Variants in TMPRSS11A observed in about 807,000 individuals in gnomAD.
The protein encoded by TMPRSS11A is transmembrane protease serine 11A.
Under a neutral mutation model 58.9 loss-of-function variants are expected in TMPRSS11A, and 53 were observed. That is an observed-to-expected ratio of 0.90 (90% CI 0.72 to 1.13). The LOEUF is 1.13. Ranked by LOEUF, TMPRSS11A falls within the 50% of genes most tolerant of loss-of-function variation. The pLI, the probability that TMPRSS11A is intolerant of heterozygous loss-of-function variation, is 0.00. For synonymous variants in TMPRSS11A, 167 were observed against 169.8 expected (o/e 0.98, Z 0.13); for missense variants, 493 against 499.3 (o/e 0.99, Z 0.12).
intron 9 of TMPRSS11A, among the ~76,000 whole-genome samples, chr4:67,913,415 A>G (rs1336371565): frequency 6.6e-6 from 1 of 152,092 alleles, no homozygotes; most frequent in African/African-American, 2.4e-5. Context: ...TTGTACCTGA[A>G]CCGCTGCCCT....
At position 67,931,990 on chromosome 4, in the gene TMPRSS11A, T is replaced by G. The variant is rs767393101; in HGVS notation, c.320+3A>C. ...GATTCCACCTTTGCCCAAACATACATACGTCAGTCTGACTACTTGGTTCTT... is the reference window on the plus strand; with the variant it reads ...GATTCCACCTTTGCCCAAACATACAGACGTCAGTCTGACTACTTGGTTCTT... On this transcript the variant is annotated splice_donor_region_variant and intron_variant, in intron 4 of 9. Transcript: ENST00000508048. 2 of 1,583,554 alleles carry G rather than the reference T, an allele frequency of 1.3e-6. No homozygotes were observed. The highest frequency in any genetic ancestry group is 1.7e-6 in the Non-Finnish European group (2 of 1,152,878).
intron 2 of TMPRSS11A, among the ~76,000 whole-genome samples, 189 bp downstream of exon 2, chr4:67,946,260 GA>G (rs1321884881): frequency 8.5e-5 from 13 of 152,182 alleles, no homozygotes; most frequent in Admixed American, 8.5e-4. Flanking sequence ...TGAATATCCA[GA>G]AAAGTACTCA....
chr4:67,950,278 G>C (rs1283307933), intron 1 of TMPRSS11A, among the ~76,000 whole-genome samples: 1 of 152,178 alleles, frequency 6.6e-6, no homozygotes, highest in African/African-American at 2.4e-5. Flanking sequence ...GCTGAACTGA[G>C]GTCTCTGTTC....
intron 3 of TMPRSS11A, among the ~76,000 whole-genome samples, chr4:67,933,436 C>T (rs752291036): frequency 1.3e-5 from 2 of 152,096 alleles, no homozygotes; most frequent in African/African-American, 2.4e-5. Context: ...AATTTTACTT[C>T]GGTTTCTTTT....
intron 1 of TMPRSS11A, among the ~76,000 whole-genome samples, chr4:67,949,583 G>A (rs1021193023): frequency 6.6e-6 from 1 of 152,218 alleles, no homozygotes; most frequent in African/African-American, 2.4e-5. Flanking sequence ...TCACCACCGG[G>A]CATGGTGGCT....
intron 1 of TMPRSS11A, among the ~76,000 whole-genome samples, chr4:67,954,658 A>G (rs755121850): frequency 2.0e-5 from 3 of 152,238 alleles, no homozygotes; most frequent in African/African-American, 4.8e-5. Flanking sequence ...GATAGAGCAT[A>G]GTCACATATT....
At position 67,941,345 on chromosome 4, in the gene TMPRSS11A, C is replaced by T. The variant is rs74854413; in HGVS notation, c.252+3174G>A. ...TAATTCTTCTAAAGCTAACCTGGTG[C>T]GGGATGGGAGGAGAAAAACACCTGT... On this transcript the variant is annotated intron_variant, in intron 3 of 9. Coordinates refer to ENST00000508048, the MANE Select transcript of TMPRSS11A (RefSeq NM_001114387.2). Among the ~76,000 whole-genome samples, 1,383 of 152,122 alleles carry T rather than the reference C, an allele frequency of 9.1e-3. 20 individuals are homozygous for T. The highest frequency in any genetic ancestry group is 0.031 in the African/African-American group (1,292 of 41,502).
At chr4:67,938,893 CT>C (rs59980988) in intron 3 of TMPRSS11A, among the ~76,000 whole-genome samples, 1,993 of 139,052 alleles carry the variant, frequency 0.014, 32 homozygotes, top group African/African-American at 0.042. Flanking sequence ...GCTATTGGGG[CT>C]TTTTTTTTTT....
chr4:67,929,748 T>C, intron 5 of TMPRSS11A, 132 bp downstream of exon 5: 1 of 865,036 alleles, frequency 1.2e-6, no homozygotes, highest in South Asian at 2.0e-5. Context: ...AAATGTCACA[T>C]CTTTAACTTG....
rs140317334 is a variant in TMPRSS11A, at chr4:67,943,827, T to G, written c.252+692A>C. On this transcript the variant is annotated intron_variant, in intron 3 of 9. Transcript: ENST00000508048. ...AGAAAGTGTCTTAAAAATGGTTCTT[T>G]GATTAAAACAAACCAATACATTTGT... Among the ~76,000 whole-genome samples, 6 of 152,284 alleles carry G rather than the reference T, an allele frequency of 3.9e-5. No individual in the cohort carries two copies. The East Asian group carries it at 7.7e-4, about 20-fold the overall frequency.
intron 6 of TMPRSS11A, among the ~76,000 whole-genome samples, chr4:67,923,675 T>A (rs532296271): frequency 1.3e-5 from 2 of 152,210 alleles, no homozygotes; most frequent in South Asian, 4.1e-4. Flanking sequence ...CCTGGCTAAT[T>A]TTTGTATTTT....
intron 1 of TMPRSS11A, among the ~76,000 whole-genome samples, chr4:67,957,523 G>A (rs1252004044): frequency 6.6e-6 from 1 of 152,152 alleles, no homozygotes. Flanking sequence ...GAACTTGAGA[G>A]AGATGATTTA....
At chr4:67,961,497 T>A in intron 1 of TMPRSS11A, among the ~76,000 whole-genome samples, 1 of 1,260 alleles carries the variant, frequency 7.9e-4, no homozygotes, top group African/African-American at 1.0e-3. Context: ...TTTTTTTTTT[T>A]TTTTTTTTTT....
chr4:67,921,376 C>G lies in TMPRSS11A; in HGVS notation c.692+1379G>C, dbSNP rs548767522. ...TAAGATGGGGTCTTGCATTGTCACT[C>G]AGGCTGGAGTGCAGTGGTGCAATCA... is the stretch of plus-strand genomic sequence containing the variant. On this transcript the variant is annotated intron_variant, in intron 7 of 9. Coordinates refer to ENST00000508048, the MANE Select transcript of TMPRSS11A (RefSeq NM_001114387.2). Among the ~76,000 whole-genome samples, 7 of 152,206 alleles carry G rather than the reference C, an allele frequency of 4.6e-5. No homozygotes were observed. The East Asian group carries it at 9.7e-4, about 21-fold the overall frequency.
chr4:67,925,820 A>G (rs966951455), intron 5 of TMPRSS11A, among the ~76,000 whole-genome samples: 8 of 152,248 alleles, frequency 5.3e-5, no homozygotes, highest in African/African-American at 1.9e-4. Context: ...GATGCAAGTT[A>G]GCCATTTCCA....
chr4:67,925,306 T>C (rs1185372249), intron 5 of TMPRSS11A, among the ~76,000 whole-genome samples: 1 of 152,158 alleles, frequency 6.6e-6, no homozygotes, highest in Non-Finnish European at 1.5e-5. Flanking sequence ...TTACTAAAGC[T>C]GGGGAAAAAT....
At position 67,950,276 on chromosome 4, in the gene TMPRSS11A, G is replaced by C. The variant is rs780976982; in HGVS notation, c.12-3705C>G. ...GAACTCAGTTCCTTGAAGCTGAACT[G>C]AGGTCTCTGTTCTCTTGCTGGCTGT... On this transcript the variant is annotated intron_variant, in intron 1 of 9. Coordinates refer to ENST00000508048, the MANE Select transcript of TMPRSS11A (RefSeq NM_001114387.2). 1.6e-3 allele frequency among the ~76,000 whole-genome samples: 246 copies of C among 152,196 alleles called. 3 individuals are homozygous for C. The highest frequency in any genetic ancestry group is 3.1e-3 in the Non-Finnish European group (213 of 68,038).
At chr4:67,943,242 C>G (rs1720921763) in intron 3 of TMPRSS11A, among the ~76,000 whole-genome samples, 1 of 152,142 alleles carries the variant, frequency 6.6e-6, no homozygotes, top group Non-Finnish European at 1.5e-5. Context: ...GCATTTCTCT[C>G]ACTTCTCTTA....
intron 3 of TMPRSS11A, among the ~76,000 whole-genome samples, chr4:67,933,534 C>G (rs539104626): frequency 2.6e-5 from 4 of 152,280 alleles, no homozygotes; most frequent in Admixed American, 2.6e-4. Flanking sequence ...TAGCCTTAAA[C>G]TTAAGATCAA....
Sources: allele counts gnomAD v4.1 joint callset (sites outside exome capture counted in the v4.1 genomes callset), GRCh38; gene constraint gnomAD v4.1.1; transcripts MANE v1.5; gene names NCBI Gene and HGNC (gene_info 2026-07-23, HGNC 2026-07-21).